Variants in PAX5 observed in about 807,000 individuals in gnomAD.
The protein encoded by PAX5 is paired box protein Pax-5.
A neutral mutation model predicts 43.7 loss-of-function variants in PAX5; 9 were observed. The observed-to-expected ratio is 0.21, with a 90% CI of 0.12 to 0.36. The LOEUF (loss-of-function observed/expected upper bound fraction) is 0.36. Among genes scored for constraint, PAX5 ranks in the 10% least tolerant of loss-of-function variants. The probability of loss-of-function intolerance (pLI) is 1.00; values close to 1 mark genes in which losing one functional copy is unlikely to be tolerated. For synonymous variants in PAX5, 228 were observed against 214.3 expected (o/e 1.06, Z -0.56); for missense variants, 383 against 532.7 (o/e 0.72, Z 2.77).
intron 8 of PAX5, among the ~76,000 whole-genome samples, chr9:36,880,419 T>G (rs1009517982): frequency 6.6e-6 from 1 of 152,212 alleles, no homozygotes; most frequent in African/African-American, 2.4e-5. Context: ...GACTCCAGCA[T>G]GAGCTAGAAA....
intron 2 of PAX5, among the ~76,000 whole-genome samples, chr9:37,018,864 A>T (rs1266875382): frequency 6.6e-6 from 1 of 152,044 alleles, no homozygotes; most frequent in African/African-American, 2.4e-5. Flanking sequence ...CTCAATCTCC[A>T]TGGGAGATTT....
chr9:36,977,864 G>A (rs1203384259), intron 5 of PAX5, among the ~76,000 whole-genome samples: 3 of 152,198 alleles, frequency 2.0e-5, no homozygotes, highest in African/African-American at 7.2e-5. Flanking sequence ...TCCAACCAGA[G>A]GGAACAGCAT....
At chr9:36,984,315 C>T (rs1039570273) in intron 5 of PAX5, among the ~76,000 whole-genome samples, 3 of 152,078 alleles carry the variant, frequency 2.0e-5, no homozygotes, top group African/African-American at 4.8e-5. Flanking sequence ...GGGTTATATG[C>T]TGCCTCTGCC....
At chr9:36,901,638 A>C (rs1339632591) in intron 7 of PAX5, among the ~76,000 whole-genome samples, 1 of 152,116 alleles carries the variant, frequency 6.6e-6, no homozygotes, top group African/African-American at 2.4e-5. Flanking sequence ...AGCCGCTAAA[A>C]GGTAGGGGGG....
intron 9 of PAX5, 124 bp downstream of exon 9, chr9:36,846,719 G>T (rs1822611400): frequency 1.6e-6 from 1 of 638,262 alleles, no homozygotes; most frequent in South Asian, 1.9e-5. Context: ...CCATGTGTCT[G>T]GGCAAGCTAC....
At chr9:36,933,994 G>C (rs1563983573) in intron 6 of PAX5, among the ~76,000 whole-genome samples, 1 of 152,170 alleles carries the variant, frequency 6.6e-6, no homozygotes, top group Non-Finnish European at 1.5e-5. Flanking sequence ...TCCTTGATAT[G>C]GCCCCAGGAA....
intron 6 of PAX5, among the ~76,000 whole-genome samples, chr9:36,939,772 A>G (rs1831878789): frequency 6.6e-6 from 1 of 152,202 alleles, no homozygotes; most frequent in Non-Finnish European, 1.5e-5. Context: ...TGTCAAAAAA[A>G]AAGAGGGAGA....
intron 5 of PAX5, among the ~76,000 whole-genome samples, chr9:36,983,945 C>T: frequency 6.6e-6 from 1 of 152,228 alleles, no homozygotes; most frequent in East Asian, 1.9e-4. Context: ...AGACAAGTAC[C>T]AAAAACAACT....
intron 6 of PAX5, among the ~76,000 whole-genome samples, chr9:36,959,455 C>T (rs1055750343): frequency 3.9e-5 from 6 of 152,218 alleles, no homozygotes; most frequent in Admixed American, 3.9e-4. Context: ...GACCAAATGG[C>T]CCAAATTTCT....
chr9:37,033,599 TACAC>T (rs56039556), intron 1 of PAX5, among the ~76,000 whole-genome samples: 273 of 149,144 alleles, frequency 1.8e-3, no homozygotes, highest in Admixed American at 3.1e-3. Flanking sequence ...AGTATAAAGA[TACAC>T]ACACACACAC....
intron 7 of PAX5, among the ~76,000 whole-genome samples, chr9:36,896,817 G>A (rs754548727): frequency 9.9e-5 from 15 of 152,220 alleles, no homozygotes; most frequent in Non-Finnish European, 1.5e-4. Context: ...CAGTGCAGGG[G>A]TAGGGACGCC....
chr9:37,007,277 T>C (rs776293771), intron 3 of PAX5, among the ~76,000 whole-genome samples: 3 of 152,216 alleles, frequency 2.0e-5, no homozygotes, highest in South Asian at 2.1e-4. Context: ...GTACATTCCA[T>C]TGTGGACCTC....
chr9:36,996,161 C>T (rs1382139518), intron 5 of PAX5, among the ~76,000 whole-genome samples: 1 of 152,248 alleles, frequency 6.6e-6, no homozygotes, highest in African/African-American at 2.4e-5. Context: ...CCAACAGGAC[C>T]GTGGCTAAAG....
At chr9:36,912,718 G>A (rs763854734) in intron 7 of PAX5, among the ~76,000 whole-genome samples, 2 of 152,130 alleles carry the variant, frequency 1.3e-5, no homozygotes, top group African/African-American at 2.4e-5. Flanking sequence ...TGGTCAGAAC[G>A]TCTGCTCTGA....
At chr9:36,871,468 A>G (rs1353826008) in intron 8 of PAX5, among the ~76,000 whole-genome samples, 1 of 152,198 alleles carries the variant, frequency 6.6e-6, no homozygotes, top group African/African-American at 2.4e-5. Flanking sequence ...TAAGCCCTCC[A>G]GGCCCACCTT....
Position 36,839,616 on chromosome 9 carries a change from G to A in PAX5, c.*944C>T, listed in dbSNP as rs1168438363. On this transcript the variant is annotated 3_prime_UTR_variant, in exon 10 of 10. Transcript: ENST00000358127. ...GTGACCTGAACCTGGGCATGCCTCA[G>A]AAAACACCGTTCCAGGGGCTGAGGG... 2 of 233,252 alleles carry A rather than the reference G, an allele frequency of 8.6e-6. No homozygotes were observed. The highest frequency in any genetic ancestry group is 1.7e-5 in the Non-Finnish European group (2 of 118,114). 14.4% of individuals were successfully genotyped at this position (233,252 alleles called of 1,614,324 possible).
At chr9:36,933,796 G>A (rs1408852357) in intron 6 of PAX5, among the ~76,000 whole-genome samples, 1 of 152,176 alleles carries the variant, frequency 6.6e-6, no homozygotes, top group Non-Finnish European at 1.5e-5. Flanking sequence ...GATCAGATGG[G>A]GTGGCAAGGG....
Position 37,034,088 on chromosome 9 carries a change from C to CTTTTTTTTTTTTTT in PAX5, c.-58_-57insAAAAAAAAAAAAAA. On this transcript the variant is annotated 5_prime_UTR_variant, in exon 1 of 10. Transcript: ENST00000358127. ...GGGAAAAGTTTCCACTTTTTTGTGC[C>CTTTTTTTTTTTTTT]TTTTTTTTTCTTTTTTTTTTTTTTT... 1 of 447,890 alleles carries CTTTTTTTTTTTTTT rather than the reference C, an allele frequency of 2.2e-6. No individual in the cohort carries two copies. Among genetic ancestry groups the CTTTTTTTTTTTTTT allele is most frequent in the Non-Finnish European group, 3.6e-6 (1 of 275,928 alleles). The allele number at this position is 447,890 out of a possible 1,614,324, so 27.7% of individuals were successfully genotyped here.
At chr9:36,887,495 C>G (rs571147464) in intron 7 of PAX5, among the ~76,000 whole-genome samples, 2 of 152,140 alleles carry the variant, frequency 1.3e-5, no homozygotes, top group East Asian at 3.9e-4. Flanking sequence ...GAATAAACTA[C>G]AAATAGAACT....
Sources: gnomAD v4.1 joint callset for allele counts (sites outside exome capture counted in the v4.1 genomes callset) on GRCh38, gnomAD v4.1.1 for gene constraint, MANE v1.5 for transcripts, NCBI Gene and HGNC (gene_info 2026-07-23, HGNC 2026-07-21) for gene names.